The following ANKIB1 variants were observed in gnomAD, a reference collection of about 807,000 sequenced individuals.
ANKIB1 encodes the protein ankyrin repeat and IBR domain containing 1.
A neutral mutation model predicts 122.1 loss-of-function variants in ANKIB1; 43 were observed. The observed-to-expected ratio is 0.35, with a 90% CI of 0.28 to 0.45. The LOEUF is 0.45. Ranked by LOEUF, ANKIB1 falls within the 20% of genes least tolerant of loss-of-function variation. The probability of loss-of-function intolerance (pLI) is 1.00; values close to 1 mark genes in which losing one functional copy is unlikely to be tolerated. For missense variants in ANKIB1, 992 were observed against 1,329.5 expected (o/e 0.75, Z 3.95); for synonymous variants, 390 against 442.0 (o/e 0.88, Z 1.48).
Position 92,319,394 on chromosome 7 carries a change from G to A in ANKIB1, c.551G>A (p.Cys184Tyr). 6.2e-7 allele frequency: 1 copy of A among 1,613,226 alleles called. No individual in the cohort carries two copies. The highest frequency in any genetic ancestry group is 8.5e-7 in the Non-Finnish European group (1 of 1,179,588). Reference protein sequence around the residue: ...ENENKDTPCDCAEKQHHKDLA... With the variant: ...ENENKDTPCDYAEKQHHKDLA... ...GAAAATAAAGATACTCCTTGTGATTGTGCTGAAAAGCAACACCACAAAGAT... is the reference window on the plus strand; with the variant it reads ...GAAAATAAAGATACTCCTTGTGATTATGCTGAAAAGCAACACCACAAAGAT... The change falls in exon 4 of 20, where the codon TGT (cysteine) becomes TAT (tyrosine). Residue 184 changes from cysteine to tyrosine, a missense_variant. Physicochemically the swap from Cys to Tyr is radical, Grantham distance 194. Transcript: ENST00000265742.
chr7:92,330,270 A>T (rs1267446221), intron 5 of ANKIB1, among the ~76,000 whole-genome samples: 1 of 152,092 alleles, frequency 6.6e-6, no homozygotes, highest in Non-Finnish European at 1.5e-5. Flanking sequence ...CTTTTCCTTT[A>T]TATTAACCTT....
chr7:92,248,321 G>A (rs142537892), intron 1 of ANKIB1, among the ~76,000 whole-genome samples: 1 of 152,194 alleles, frequency 6.6e-6, no homozygotes, highest in Non-Finnish European at 1.5e-5. Flanking sequence ...TAACAGGTAG[G>A]TGACTCCTGA....
At chr7:92,269,877 A>C (rs987280668) in intron 1 of ANKIB1, among the ~76,000 whole-genome samples, 1 of 151,662 alleles carries the variant, frequency 6.6e-6, no homozygotes, top group African/African-American at 2.4e-5. Flanking sequence ...TACATGTGCC[A>C]TGTTGGCTTG....
At chr7:92,384,485 A>G (rs1027780079) in intron 11 of ANKIB1, among the ~76,000 whole-genome samples, 5 of 152,238 alleles carry the variant, frequency 3.3e-5, no homozygotes, top group African/African-American at 1.2e-4. Flanking sequence ...ACTTCAAACT[A>G]TAGTACAAGG....
intron 5 of ANKIB1, among the ~76,000 whole-genome samples, chr7:92,331,652 A>G (rs1001457499): frequency 6.6e-6 from 1 of 152,168 alleles, no homozygotes; most frequent in African/African-American, 2.4e-5. Context: ...GAAAGAGAAA[A>G]GAGCCTGAAG....
chr7:92,387,983 A>G lies in ANKIB1; in HGVS notation c.1848A>G (p.Gln616=), dbSNP rs747864415. 3.8e-6 allele frequency: 6 copies of G among 1,585,158 alleles called. No individual in the cohort carries two copies. The highest frequency in any genetic ancestry group is 2.3e-5 in the East Asian group (1 of 43,724). The part of the protein sequence containing the change: ...KNHEHSYQLE[Q]RLLKTAKEKM... ...TATTTCTATTCCTTTAGCTAGAACA[A>G]CGCCTTCTTAAAACAGCCAAAGAAA... Residue 616 remains glutamine (Q), a synonymous_variant, in exon 14 of 20, where the codon CAA becomes CAG. Transcript: ENST00000265742.
chr7:92,352,236 T>C (rs1314185444), intron 8 of ANKIB1, among the ~76,000 whole-genome samples: 3 of 152,196 alleles, frequency 2.0e-5, no homozygotes, highest in African/African-American at 4.8e-5. Flanking sequence ...GGTTTTTAGA[T>C]TAAAGAAAAC....
chr7:92,320,713 T>C (rs1464348568), intron 4 of ANKIB1, among the ~76,000 whole-genome samples: 1 of 152,208 alleles, frequency 6.6e-6, no homozygotes, highest in Non-Finnish European at 1.5e-5. Flanking sequence ...TCACTTCTTA[T>C]CTGAGCTACT....
rs1391253240 is a variant in ANKIB1, at chr7:92,400,898, A to C, written c.*1949A>C. On this transcript the variant is annotated 3_prime_UTR_variant, in exon 20 of 20. Coordinates refer to ENST00000265742, the MANE Select transcript of ANKIB1 (RefSeq NM_019004.2). ...ATTTTGGATTAAAAATATCAACACC[A>C]ATAAGTTTTTAGACCAAGTTGTAAT... is the stretch of plus-strand genomic sequence containing the variant. 6.6e-6 allele frequency: 1 copy of C among 152,232 alleles called. No homozygotes were observed. Among genetic ancestry groups the C allele is most frequent in the Non-Finnish European group, 1.5e-5 (1 of 68,036 alleles). 9.4% of individuals were successfully genotyped at this position (152,232 alleles called of 1,614,324 possible).
chr7:92,309,962 T>TATATATATATATATAAAA (rs1030276754), intron 3 of ANKIB1, among the ~76,000 whole-genome samples: 1 of 139,430 alleles, frequency 7.2e-6, no homozygotes, highest in African/African-American at 2.7e-5. Context: ...TATATATATA[T>TATATATATATATATAAAA]AAATTAAATG....
At chr7:92,339,481 C>A (rs779681931) in intron 5 of ANKIB1, among the ~76,000 whole-genome samples, 14 of 152,138 alleles carry the variant, frequency 9.2e-5, no homozygotes, top group Non-Finnish European at 1.8e-4. Flanking sequence ...CAGCTGTAAT[C>A]ATTTACAATT....
At chr7:92,358,194 A>T (rs1284702900) in intron 9 of ANKIB1, among the ~76,000 whole-genome samples, 1 of 152,302 alleles carries the variant, frequency 6.6e-6, no homozygotes, top group African/African-American at 2.4e-5. Flanking sequence ...GTGAGCAGAG[A>T]TCGTGCCATT....
intron 5 of ANKIB1, among the ~76,000 whole-genome samples, chr7:92,333,047 A>G (rs1803203241): frequency 2.0e-5 from 3 of 152,080 alleles, no homozygotes; most frequent in Admixed American, 6.6e-5. Flanking sequence ...TTCCTCTCCC[A>G]TCCTGTCATC....
intron 2 of ANKIB1, among the ~76,000 whole-genome samples, chr7:92,304,430 T>A (rs1447002936): frequency 1.3e-5 from 2 of 152,044 alleles, no homozygotes; most frequent in South Asian, 2.1e-4. Flanking sequence ...ATGGGGAGGA[T>A]CTAGAGATAT....
chr7:92,389,727 A>G (rs1804743867), intron 14 of ANKIB1, among the ~76,000 whole-genome samples: 1 of 152,140 alleles, frequency 6.6e-6, no homozygotes, highest in South Asian at 2.1e-4. Flanking sequence ...CTTTATGACT[A>G]CCATCAGTGT....
intron 1 of ANKIB1, among the ~76,000 whole-genome samples, chr7:92,255,219 T>A (rs1480439487): frequency 1.3e-5 from 2 of 152,242 alleles, no homozygotes; most frequent in East Asian, 1.9e-4. Context: ...CTTTTTGATG[T>A]TCCTGTCTTG....
intron 2 of ANKIB1, among the ~76,000 whole-genome samples, chr7:92,296,225 A>T (rs1802352999): frequency 6.8e-6 from 1 of 146,666 alleles, no homozygotes; most frequent in Non-Finnish European, 1.5e-5. Flanking sequence ...CTCTTACCTA[A>T]TTTTTTTTTT....
intron 9 of ANKIB1, 122 bp downstream of exon 9, chr7:92,352,764 A>G: frequency 9.7e-7 from 1 of 1,028,674 alleles, no homozygotes; most frequent in African/African-American, 1.6e-5. Context: ...TCTTAATTTA[A>G]GAAATGTGTA....
intron 2 of ANKIB1, among the ~76,000 whole-genome samples, 191 bp downstream of exon 2, chr7:92,295,357 TTGATA>T (rs1243117006): frequency 6.6e-6 from 1 of 152,168 alleles, no homozygotes; most frequent in Non-Finnish European, 1.5e-5. Flanking sequence ...ACCTAAATAT[TTGATA>T]TCATTTTCTT....
Sources: allele counts gnomAD v4.1 joint callset (sites outside exome capture counted in the v4.1 genomes callset), GRCh38; gene constraint gnomAD v4.1.1; transcripts MANE v1.5; gene names NCBI Gene and HGNC (gene_info 2026-07-23, HGNC 2026-07-21).